Variants in L3MBTL4 observed in about 807,000 individuals in gnomAD.
The protein encoded by L3MBTL4 is lethal(3)malignant brain tumor-like protein 4.
A neutral mutation model predicts 84.5 loss-of-function variants in L3MBTL4; 70 were observed. The ratio of observed to expected loss-of-function variants is 0.83; its 90% CI spans 0.68 to 1.01. The LOEUF (loss-of-function observed/expected upper bound fraction) is 1.01. Among genes scored for constraint, L3MBTL4 ranks in the 50% least tolerant of loss-of-function variants. The probability of loss-of-function intolerance (pLI) is 0.00; values close to 1 mark genes in which losing one functional copy is unlikely to be tolerated. For missense variants in L3MBTL4, 715 were observed against 754.8 expected, an observed-to-expected ratio of 0.95 and a Z score of 0.62; for synonymous variants, 274 against 259.8, an observed-to-expected ratio of 1.05 and a Z score of -0.52.
chr18:6,000,684 T>C (rs1345038624), intron 16 of L3MBTL4, among the ~76,000 whole-genome samples: 2 of 152,212 alleles, frequency 1.3e-5, no homozygotes, highest in Non-Finnish European at 2.9e-5. Context: ...CTTGAATCTA[T>C]ATATCATAAG....
At chr18:6,273,429 T>C (rs34895691) in intron 4 of L3MBTL4, among the ~76,000 whole-genome samples, 3 of 29,306 alleles carry the variant, frequency 1.0e-4, no homozygotes, top group Non-Finnish European at 5.8e-5. Context: ...TACAGAGCGG[T>C]GCCTTCAGGA....
chr18:6,194,601 C>A (rs1005093279), intron 12 of L3MBTL4, among the ~76,000 whole-genome samples: 1 of 152,184 alleles, frequency 6.6e-6, no homozygotes, highest in Non-Finnish European at 1.5e-5. Context: ...AGCAGAACAT[C>A]GAACAGAAAG....
chr18:6,062,985 C>T (rs1417735167), intron 16 of L3MBTL4, among the ~76,000 whole-genome samples: 2 of 151,882 alleles, frequency 1.3e-5, no homozygotes, highest in Non-Finnish European at 2.9e-5. Flanking sequence ...CCTTACTCCC[C>T]TCTCAACCTT....
At chr18:6,209,259 T>C (rs2145750287) in intron 12 of L3MBTL4, among the ~76,000 whole-genome samples, 1 of 152,256 alleles carries the variant, frequency 6.6e-6, no homozygotes, top group East Asian at 1.9e-4. Context: ...ACTCTACTAT[T>C]ACTACTTCTA....
intron 6 of L3MBTL4, among the ~76,000 whole-genome samples, chr18:6,243,837 G>A (rs1197941931): frequency 6.6e-6 from 1 of 152,088 alleles, no homozygotes; most frequent in East Asian, 1.9e-4. Flanking sequence ...AATAAGCATG[G>A]CCTTGTTTCA....
intron 16 of L3MBTL4, among the ~76,000 whole-genome samples, chr18:6,072,902 AT>A (rs2057731599): frequency 1.0e-5 from 1 of 98,188 alleles, no homozygotes; most frequent in African/African-American, 4.2e-5. Context: ...ATATATATAT[AT>A]ATATATATAT....
chr18:5,960,262 C>G, intron 17 of L3MBTL4, 106 bp from the exon 18 acceptor site: 1 of 531,366 alleles, frequency 1.9e-6, no homozygotes, highest in Non-Finnish European at 3.3e-6. Context: ...CTCTCAAACT[C>G]TTGGGAATTA....
intron 14 of L3MBTL4, among the ~76,000 whole-genome samples, chr18:6,101,008 G>A (rs1244756776): frequency 6.6e-6 from 1 of 151,582 alleles, no homozygotes; most frequent in Non-Finnish European, 1.5e-5. Flanking sequence ...GAGATGAGTT[G>A]GGGCCCCTTG....
chr18:5,975,843 G>A (rs1045817155), intron 16 of L3MBTL4, among the ~76,000 whole-genome samples: 1 of 152,196 alleles, frequency 6.6e-6, no homozygotes, highest in Non-Finnish European at 1.5e-5. Context: ...AAGTCATATT[G>A]CTCCTCAGAC....
chr18:5,960,195 C>A, intron 17 of L3MBTL4, 39 bp from the exon 18 acceptor site: 1 of 1,325,854 alleles, frequency 7.5e-7, no homozygotes, highest in Non-Finnish European at 1.1e-6. Context: ...AATACATGCA[C>A]CTGAAATAAT....
intron 1 of L3MBTL4, among the ~76,000 whole-genome samples, chr18:6,317,685 G>C (rs1045770213): frequency 1.3e-5 from 2 of 152,134 alleles, no homozygotes; most frequent in African/African-American, 2.4e-5. Context: ...TTACTTGATG[G>C]AATAATAGAG....
In L3MBTL4 at chr18:6,237,961, C is replaced by A. The variant is rs1462692207; in HGVS notation, c.784+3G>T. ...TCAAAGAAAACCCAGGCAGTCCACT[C>A]ACCTTGGGGTGCTATCAGAGTTCTT... On this transcript the variant is annotated splice_donor_region_variant and intron_variant, in intron 10 of 18. Coordinates refer to ENST00000317931, the MANE Select transcript of L3MBTL4 (RefSeq NM_001330559.2). 12 of 1,613,598 alleles carry A rather than the reference C, an allele frequency of 7.4e-6. No individual in the cohort carries two copies. Among genetic ancestry groups the A allele is most frequent in the Non-Finnish European group, 9.3e-6 (11 of 1,179,484 alleles).
intron 1 of L3MBTL4, among the ~76,000 whole-genome samples, chr18:6,374,683 C>CA: frequency 3.3e-5 from 5 of 152,224 alleles, no homozygotes; most frequent in Admixed American, 3.3e-4. Context: ...CCTGCCCTTC[C>CA]ACAGTGAGTC....
intron 16 of L3MBTL4, among the ~76,000 whole-genome samples, chr18:6,035,730 T>C (rs951375468): frequency 5.3e-5 from 8 of 152,170 alleles, no homozygotes; most frequent in African/African-American, 1.9e-4. Flanking sequence ...ATCTGTAAAT[T>C]ACCTTGAGCA....
intron 1 of L3MBTL4, among the ~76,000 whole-genome samples, chr18:6,316,555 G>A (rs1006730670): frequency 6.6e-6 from 1 of 152,174 alleles, no homozygotes; most frequent in Admixed American, 6.5e-5. Context: ...AGCTTGATAT[G>A]GGTGTATCTA....
intron 10 of L3MBTL4, among the ~76,000 whole-genome samples, chr18:6,236,799 C>G (rs2047234260): frequency 6.6e-6 from 1 of 152,118 alleles, no homozygotes; most frequent in Non-Finnish European, 1.5e-5. Context: ...GATTTGGCTT[C>G]TTTATTGTTT....
intron 5 of L3MBTL4, among the ~76,000 whole-genome samples, chr18:6,257,113 A>T (rs1273298529): frequency 1.3e-5 from 2 of 152,196 alleles, no homozygotes; most frequent in Non-Finnish European, 2.9e-5. Flanking sequence ...ATTCTTCAGG[A>T]AAATCCCTGA....
intron 13 of L3MBTL4, among the ~76,000 whole-genome samples, chr18:6,167,503 G>C (rs1325788545): frequency 6.6e-6 from 1 of 152,088 alleles, no homozygotes; most frequent in Non-Finnish European, 1.5e-5. Flanking sequence ...TTCATCCCTG[G>C]GATGCAAGGC....
At position 5,989,444 on chromosome 18, in the gene L3MBTL4, T is replaced by C. The variant is rs557651891; in HGVS notation, c.1445-19882A>G. On this transcript the variant is annotated intron_variant, in intron 16 of 18. Coordinates refer to ENST00000317931, the MANE Select transcript of L3MBTL4 (RefSeq NM_001330559.2). ...TAAATCTGTATTTGCTTACTTATAA[T>C]TTAGTTGTGCTCTCCAGAACCTAAT... is the stretch of plus-strand genomic sequence containing the variant. 2.0e-5 allele frequency among the ~76,000 whole-genome samples: 3 copies of C among 152,356 alleles called. No individual in the cohort carries two copies. The South Asian group carries it at 6.2e-4, about 32-fold the overall frequency.
Sources: gnomAD v4.1 joint callset for allele counts (sites outside exome capture counted in the v4.1 genomes callset) on GRCh38, gnomAD v4.1.1 for gene constraint, MANE v1.5 for transcripts, NCBI Gene and HGNC (gene_info 2026-07-23, HGNC 2026-07-21) for gene names.